The following NFIA variants were observed in gnomAD, a reference collection of about 807,000 sequenced individuals.
NFIA encodes nuclear factor I A.
NFIA carries 8 observed loss-of-function variants against 62.8 expected under a neutral mutation model. That is an observed-to-expected ratio of 0.13 (90% CI 0.07 to 0.23). The LOEUF is 0.23. Ranked by LOEUF, NFIA falls within the 10% of genes least tolerant of loss-of-function variation. The probability of loss-of-function intolerance (pLI) is 1.00; values close to 1 mark genes in which losing one functional copy is unlikely to be tolerated. For missense variants in NFIA, 410 were observed against 642.1 expected, an observed-to-expected ratio of 0.64 and a Z score of 3.91; for synonymous variants, 235 against 238.1, an observed-to-expected ratio of 0.99 and a Z score of 0.12.
At chr1:61,413,810 T>G (rs914548666) in intron 9 of NFIA, among the ~76,000 whole-genome samples, 14 of 151,426 alleles carry the variant, frequency 9.2e-5, no homozygotes, top group African/African-American at 1.2e-4. Flanking sequence ...TATTTTTTAG[T>G]GGAGACAGGG....
At chr1:61,362,843 A>C (rs547436281) in intron 6 of NFIA, among the ~76,000 whole-genome samples, 1 of 152,364 alleles carries the variant, frequency 6.6e-6, no homozygotes, top group Admixed American at 6.5e-5. Flanking sequence ...ATGAATTGAC[A>C]AAACGAGTCC....
intron 3 of NFIA, among the ~76,000 whole-genome samples, chr1:61,292,215 C>A (rs552323270): frequency 6.6e-6 from 1 of 152,226 alleles, no homozygotes; most frequent in Non-Finnish European, 1.5e-5. Context: ...TCTTTGGACA[C>A]CGCAAATTTG....
At position 61,234,858 on chromosome 1, in the gene NFIA, T is replaced by C. The variant is rs74090345; in HGVS notation, c.560-42662T>C. Among the ~76,000 whole-genome samples the C allele has an allele frequency of 5.9e-3, 900 of 152,300 alleles. 7 individuals carry two copies. Among genetic ancestry groups the C allele is most frequent in the African/African-American group, 0.02 (839 of 41,554 alleles). The stretch of plus-strand genomic sequence containing the variant: ...AAATACAGTTTATGTTGTTTTACTT[T>C]TTTTGTTGTTGTTTTTAAGTGGCTA... On this transcript the variant is annotated intron_variant, in intron 2 of 10. Coordinates refer to ENST00000403491, the MANE Select transcript of NFIA (RefSeq NM_001134673.4).
chr1:61,164,346 A>G (rs534624104), intron 2 of NFIA, among the ~76,000 whole-genome samples: 3 of 152,308 alleles, frequency 2.0e-5, no homozygotes, highest in Admixed American at 1.3e-4. Flanking sequence ...TCCAGAAACT[A>G]CACAGGAGAC....
Position 61,459,064 on chromosome 1 carries a change from G to T in NFIA, c.*3744G>T, listed in dbSNP as rs1299474913. On this transcript the variant is annotated 3_prime_UTR_variant, in exon 11 of 11. Transcript: ENST00000403491. ...AAAAAAGAAACACCAACAGTTGCCA[G>T]TGTTTTTGCTTTTTAGCTTAAAAGC... 6.6e-6 allele frequency: 1 copy of T among 152,200 alleles called. No individual in the cohort carries two copies. The highest frequency in any genetic ancestry group is 1.9e-4 in the East Asian group (1 of 5,196). 9.4% of individuals were successfully genotyped at this position (152,200 alleles called of 1,614,324 possible). A position where few individuals can be genotyped will look rare whatever the true frequency, so the allele number is the denominator to read the frequency against.
At chr1:61,131,142 A>T (rs189799679) in intron 2 of NFIA, among the ~76,000 whole-genome samples, 1,757 of 151,770 alleles carry the variant, frequency 0.012, 20 homozygotes, top group Middle Eastern at 0.062. Flanking sequence ...CATTTCTTTT[A>T]AAAAAAATAG....
At chr1:61,271,076 C>A (rs547982940) in intron 2 of NFIA, among the ~76,000 whole-genome samples, 1 of 152,066 alleles carries the variant, frequency 6.6e-6, no homozygotes, top group African/African-American at 2.4e-5. Flanking sequence ...CAGCCTCATG[C>A]GAAGATTGAA....
At chr1:61,370,435 T>C (rs1218450106) in intron 6 of NFIA, among the ~76,000 whole-genome samples, 1 of 152,180 alleles carries the variant, frequency 6.6e-6, no homozygotes, top group Non-Finnish European at 1.5e-5. Context: ...ATATCTCAAG[T>C]GGAAGAAAAC....
chr1:61,107,800 C>T (rs181954959), intron 2 of NFIA, among the ~76,000 whole-genome samples: 2 of 151,688 alleles, frequency 1.3e-5, no homozygotes, highest in African/African-American at 2.4e-5. Flanking sequence ...GTTCATCTCA[C>T]ATTAGGTTTG....
chr1:61,257,296 C>T (rs1252000811), intron 2 of NFIA, among the ~76,000 whole-genome samples: 2 of 140,914 alleles, frequency 1.4e-5, no homozygotes, highest in African/African-American at 5.2e-5. Context: ...TGTCTCCAGT[C>T]ATGATTTTGT....
intron 2 of NFIA, among the ~76,000 whole-genome samples, chr1:61,139,515 G>A (rs1647339769): frequency 6.6e-6 from 1 of 152,200 alleles, no homozygotes; most frequent in Non-Finnish European, 1.5e-5. Flanking sequence ...TCAGAAAGTA[G>A]AGAAAGAAGG....
intron 4 of NFIA, among the ~76,000 whole-genome samples, chr1:61,339,057 G>A (rs1304547662): frequency 6.6e-6 from 1 of 152,154 alleles, no homozygotes; most frequent in Non-Finnish European, 1.5e-5. Flanking sequence ...CCTTTTGTTT[G>A]CCATTACACA....
rs1659549542 is a variant in NFIA at position 61,302,579 on chromosome 1, T to C, written c.625+24994T>C. Among the ~76,000 whole-genome samples, 3 of 152,172 alleles carry C rather than the reference T, an allele frequency of 2.0e-5. No individual in the cohort carries two copies. In the South Asian group the frequency reaches 6.2e-4, roughly 32 times the overall value. ...CAACAGGATGTTTTATTTTTTGTGT[T>C]TAGTCTTCGTCCATAGTAACAATTA... On this transcript the variant is annotated intron_variant, in intron 3 of 10. Transcript: ENST00000403491.
intron 2 of NFIA, among the ~76,000 whole-genome samples, chr1:61,095,752 GA>G: frequency 6.6e-6 from 1 of 152,280 alleles, no homozygotes; most frequent in East Asian, 1.9e-4. Context: ...ACAGGTTTAA[GA>G]TTTTTAGTTG....
intron 5 of NFIA, among the ~76,000 whole-genome samples, chr1:61,358,510 C>T (rs1160774240): frequency 1.3e-5 from 2 of 151,284 alleles, no homozygotes; most frequent in South Asian, 2.1e-4. Flanking sequence ...CTCAGCCTCC[C>T]GAGTAGCTGG....
chr1:61,133,240 GAGGA>G, intron 2 of NFIA, among the ~76,000 whole-genome samples: 1 of 151,350 alleles, frequency 6.6e-6, no homozygotes, highest in South Asian at 2.1e-4. Context: ...GTGGAGGAAT[GAGGA>G]AGGAAGGGAG....
At chr1:61,079,790 C>T (rs1456580208), upstream of NFIA, among the ~76,000 whole-genome samples, 1 of 152,166 alleles carries the variant, frequency 6.6e-6, no homozygotes, top group Non-Finnish European at 1.5e-5. Flanking sequence ...CAAGGATTTA[C>T]TTTTGCAACT....
intron 2 of NFIA, among the ~76,000 whole-genome samples, chr1:61,186,317 T>C (rs1486143438): frequency 6.6e-6 from 1 of 152,170 alleles, no homozygotes; most frequent in Non-Finnish European, 1.5e-5. Flanking sequence ...AAAAACACTT[T>C]CTACATCATA....
intron 3 of NFIA, among the ~76,000 whole-genome samples, chr1:61,321,530 G>C (rs567975788): frequency 5.3e-4 from 81 of 152,224 alleles, no homozygotes; most frequent in African/African-American, 1.9e-3. Flanking sequence ...ATATTTGAAG[G>C]ATAGTAGAAA....
Sources: gnomAD v4.1 joint callset for allele counts (sites outside exome capture counted in the v4.1 genomes callset) on GRCh38, gnomAD v4.1.1 for gene constraint, MANE v1.5 for transcripts, NCBI Gene and HGNC (gene_info 2026-07-23, HGNC 2026-07-21) for gene names.